LHPP: variants seen among roughly 807,000 people sequenced by gnomAD.
LHPP encodes the protein phospholysine phosphohistidine inorganic pyrophosphate phosphatase.
Under a neutral mutation model 30.3 loss-of-function variants are expected in LHPP, and 24 were observed. That is an observed-to-expected ratio of 0.79 (90% confidence interval 0.57 to 1.11). The LOEUF is 1.11. Among genes scored for constraint, LHPP ranks in the 50% most tolerant of loss-of-function variants. The pLI is 0.00. For synonymous variants in LHPP, 150 were observed against 157.1 expected (o/e 0.95, Z 0.34); for missense variants, 356 against 367.2 (o/e 0.97, Z 0.25).
At chr10:124,601,936 C>CCCA (rs1337412536) in intron 6 of LHPP, among the ~76,000 whole-genome samples, 1 of 152,208 alleles carries the variant, frequency 6.6e-6, no homozygotes, top group East Asian at 1.9e-4. Context: ...TGCGTGCACT[C>CCCA]GCAGCATGCA....
intron 1 of LHPP, among the ~76,000 whole-genome samples, chr10:124,470,208 A>G (rs996764868): frequency 6.6e-6 from 1 of 152,180 alleles, no homozygotes. Flanking sequence ...CCCTGGGCCT[A>G]TGGCTGGGAG....
intron 3 of LHPP, among the ~76,000 whole-genome samples, chr10:124,489,003 C>G (rs1782780673): frequency 6.6e-6 from 1 of 152,160 alleles, no homozygotes; most frequent in Non-Finnish European, 1.5e-5. Flanking sequence ...CCTACCCAGT[C>G]TGGGCACCGA....
intron 5 of LHPP, among the ~76,000 whole-genome samples, chr10:124,512,010 CA>C (rs34093944): frequency 0.075 from 11,359 of 152,232 alleles, 634 homozygotes; most frequent in South Asian, 0.25. Flanking sequence ...TGACCACCCA[CA>C]AGCCCAGTAG....
chr10:124,496,383 GC>G lies in LHPP; in HGVS notation c.468-576del, dbSNP rs1249676629. On this transcript the variant is annotated intron_variant, in intron 3 of 6. Transcript: ENST00000368842. The surrounding 1 kb of genome is among the most constrained non-coding windows in gnomAD (Gnocchi z 4.3). ...AGAGAGGAATGCTCCCTCGTGCAGA[GC>G]CTGTCTCCACCTCCATGAGACGGGA... Among the ~76,000 whole-genome samples the G allele has an allele frequency of 1.3e-5, 2 of 152,192 alleles. No individual in the cohort carries two copies. Among genetic ancestry groups the G allele is most frequent in the African/African-American group, 4.8e-5 (2 of 41,454 alleles).
chr10:124,600,077 GA>G (rs1332180887), intron 6 of LHPP, among the ~76,000 whole-genome samples: 2 of 152,190 alleles, frequency 1.3e-5, no homozygotes, highest in African/African-American at 4.8e-5. Flanking sequence ...GGCAGTTGGG[GA>G]CATGAGTGCT....
Position 124,509,638 on chromosome 10 carries a change from A to G in LHPP, c.625-7542A>G, listed in dbSNP as rs550391900. 2.4e-4 allele frequency among the ~76,000 whole-genome samples: 36 copies of G among 149,320 alleles called. 1 individual carries two copies. The highest frequency in any genetic ancestry group is 1.6e-3 in the Admixed American group (24 of 14,902). ...ATGAAGGTGTCCGACCACAGTGGCA[A>G]TTACTCAGCATTGCACTGTCTCCAG... On this transcript the variant is annotated intron_variant, in intron 5 of 6. Coordinates refer to ENST00000368842, the MANE Select transcript of LHPP (RefSeq NM_022126.4).
chr10:124,559,476 G>A (rs889991951), intron 6 of LHPP, among the ~76,000 whole-genome samples: 4 of 152,204 alleles, frequency 2.6e-5, no homozygotes, highest in Non-Finnish European at 5.9e-5. Flanking sequence ...CCCACCAGGG[G>A]CCTGGCTGGC....
intron 6 of LHPP, among the ~76,000 whole-genome samples, chr10:124,611,831 C>T (rs1949204529): frequency 6.6e-6 from 1 of 151,958 alleles, no homozygotes; most frequent in Non-Finnish European, 1.5e-5. Flanking sequence ...TCAAGCACTT[C>T]CTCTCAGACC....
At chr10:124,613,229 G>A (rs766857917) in intron 6 of LHPP, 35 bp from the exon 7 acceptor site, 4 of 1,501,712 alleles carry the variant, frequency 2.7e-6, no homozygotes, top group African/African-American at 1.4e-5. Context: ...GGGTCAGCGT[G>A]GGGGCACTGA....
intron 6 of LHPP, among the ~76,000 whole-genome samples, chr10:124,560,741 G>A (rs1271708168): frequency 6.6e-6 from 1 of 152,210 alleles, no homozygotes; most frequent in African/African-American, 2.4e-5. Context: ...GCTCCTGCCG[G>A]AGGAGCCCCT....
At chr10:124,482,909 A>G (rs1015147084) in intron 1 of LHPP, among the ~76,000 whole-genome samples, 6 of 151,650 alleles carry the variant, frequency 4.0e-5, no homozygotes, top group African/African-American at 1.5e-4. Context: ...TCCTATTCCA[A>G]CCTGGATGGT....
At chr10:124,584,083 C>T (rs1948773314) in intron 6 of LHPP, among the ~76,000 whole-genome samples, 1 of 152,096 alleles carries the variant, frequency 6.6e-6, no homozygotes, top group Non-Finnish European at 1.5e-5. Flanking sequence ...GGTTGTGTCA[C>T]ATCCGTAGCC....
At chr10:124,549,668 G>A (rs1324444215) in intron 6 of LHPP, among the ~76,000 whole-genome samples, 2 of 152,218 alleles carry the variant, frequency 1.3e-5, no homozygotes, top group Non-Finnish European at 2.9e-5. Flanking sequence ...GTCCATTGGT[G>A]GTGATTTGCA....
chr10:124,599,379 C>T (rs1292854715), intron 6 of LHPP, among the ~76,000 whole-genome samples: 1 of 152,266 alleles, frequency 6.6e-6, no homozygotes, highest in East Asian at 1.9e-4. Flanking sequence ...GGGCTCTTTT[C>T]AGCTGCACTT....
Position 124,496,373 on chromosome 10 carries a change from C to G in LHPP, c.468-588C>G, listed in dbSNP as rs936045856. Among the ~76,000 whole-genome samples the G allele has an allele frequency of 6.6e-6, 1 of 152,150 alleles. No homozygotes were observed. The highest frequency in any genetic ancestry group is 2.4e-5 in the African/African-American group (1 of 41,446). Reference sequence around the variant, plus strand: ...GGCCATTTTGAGAGAGGAATGCTCCCTCGTGCAGAGCCTGTCTCCACCTCC... The same window carrying G: ...GGCCATTTTGAGAGAGGAATGCTCCGTCGTGCAGAGCCTGTCTCCACCTCC... On this transcript the variant is annotated intron_variant, in intron 3 of 6. Transcript: ENST00000368842. This position sits in a 1 kb window ranked among gnomAD's most constrained non-coding sequence, Gnocchi z 4.3.
At chr10:124,486,470 T>C (rs4315021) in intron 2 of LHPP, among the ~76,000 whole-genome samples, 128,614 of 152,274 alleles carry the variant, frequency 0.84, 54,503 homozygotes, top group East Asian at 0.93. Context: ...GACTTATTAC[T>C]GTGAAAGAAT....
At chr10:124,579,680 T>G (rs1276182842) in intron 6 of LHPP, among the ~76,000 whole-genome samples, 1 of 152,236 alleles carries the variant, frequency 6.6e-6, no homozygotes, top group African/African-American at 2.4e-5. Context: ...ATATACATAT[T>G]TCCAGGTCTG....
intron 6 of LHPP, among the ~76,000 whole-genome samples, chr10:124,534,349 G>A (rs1322270215): frequency 6.6e-6 from 1 of 152,218 alleles, no homozygotes. Flanking sequence ...AGTTTGTTTT[G>A]TTAGTCTCCT....
At chr10:124,485,893 C>T (rs1179544371) in intron 2 of LHPP, among the ~76,000 whole-genome samples, 1 of 152,078 alleles carries the variant, frequency 6.6e-6, no homozygotes, top group East Asian at 1.9e-4. Flanking sequence ...GAGCCACCGC[C>T]TCCGGTCTTA....
Sources: allele counts gnomAD v4.1 joint callset (sites outside exome capture counted in the v4.1 genomes callset), GRCh38; gene constraint gnomAD v4.1.1; non-coding constraint Gnocchi (gnomAD v3.1); transcripts MANE v1.5; gene names NCBI Gene and HGNC (gene_info 2026-07-23, HGNC 2026-07-21).